Variants in CSMD1 observed in about 807,000 individuals in gnomAD.
The protein encoded by CSMD1 is CUB and sushi domain-containing protein 1.
In CSMD1, 213 loss-of-function variants were observed where a neutral mutation model predicts 417.5. The observed-to-expected ratio is 0.51, with a 90% CI of 0.46 to 0.57. The LOEUF is 0.57. CSMD1 is among the 20% of genes least tolerant of loss of function. The probability of loss-of-function intolerance (pLI) is 0.00; values close to 1 mark genes in which losing one functional copy is unlikely to be tolerated. For synonymous variants in CSMD1, 2,862 were observed against 1,736.8 expected (o/e 1.65, Z -16.11); for missense variants, 6,923 against 4,529.7 (o/e 1.53, Z -15.17).
intron 3 of CSMD1, among the ~76,000 whole-genome samples, chr8:4,404,382 G>A (rs931164059): frequency 5.3e-5 from 8 of 152,196 alleles, no homozygotes; most frequent in South Asian, 4.1e-4. Flanking sequence ...TTTGTTCAAC[G>A]CTGTATATGT....
intron 4 of CSMD1, among the ~76,000 whole-genome samples, chr8:4,015,661 T>TAAAAAAAAAAAAAAAAAAAAAAAAAA (rs11371186): frequency 1.0e-5 from 1 of 97,490 alleles, no homozygotes. Flanking sequence ...GTTTGAATCT[T>TAAAAAAAAAAAAAAAAAAAAAAAAAA]AAAAAAAAAA....
chr8:4,512,944 C>T lies in CSMD1; in HGVS notation c.303-92879G>A, dbSNP rs140329029. On this transcript the variant is annotated intron_variant, in intron 2 of 69. Coordinates refer to ENST00000635120, the MANE Select transcript of CSMD1 (RefSeq NM_033225.6). ...TATGATTCCAACTGTGTAATATTTT[C>T]GAAACAGCAAAATTAGGGAAACAGT... is the stretch of plus-strand genomic sequence containing the variant. Among the ~76,000 whole-genome samples, 388 of 151,984 alleles carry T rather than the reference C, an allele frequency of 2.6e-3. 2 individuals are homozygous for T. Among genetic ancestry groups the T allele is most frequent in the African/African-American group, 7.5e-3 (311 of 41,476 alleles).
intron 8 of CSMD1, among the ~76,000 whole-genome samples, chr8:3,612,094 A>G (rs58453884): frequency 0.025 from 3,745 of 152,254 alleles, 67 homozygotes; most frequent in Middle Eastern, 0.072. Flanking sequence ...TTGAATATAG[A>G]AACATATATA....
At chr8:3,658,132 A>G (rs1488557173) in intron 7 of CSMD1, among the ~76,000 whole-genome samples, 1 of 152,112 alleles carries the variant, frequency 6.6e-6, no homozygotes, top group Non-Finnish European at 1.5e-5. Context: ...AACCAACTCA[A>G]AAACTTCAGC....
chr8:4,038,590 A>G (rs745310473), intron 3 of CSMD1, among the ~76,000 whole-genome samples: 1 of 152,210 alleles, frequency 6.6e-6, no homozygotes, highest in Non-Finnish European at 1.5e-5. Context: ...CCCAGAAGTA[A>G]TGAATACACA....
chr8:4,707,106 A>G (rs1489355825), intron 1 of CSMD1, among the ~76,000 whole-genome samples: 3 of 152,234 alleles, frequency 2.0e-5, no homozygotes, highest in Non-Finnish European at 2.9e-5. Flanking sequence ...AAAATGAAGC[A>G]GATACTAAAT....
intron 12 of CSMD1, among the ~76,000 whole-genome samples, chr8:3,440,961 T>C (rs968104): frequency 1.3e-5 from 2 of 152,066 alleles, no homozygotes; most frequent in African/African-American, 4.8e-5. Flanking sequence ...GGAAAATGGG[T>C]CTTTGCAGAT....
intron 4 of CSMD1, among the ~76,000 whole-genome samples, chr8:4,025,337 C>T (rs1239726281): frequency 1.3e-5 from 2 of 152,142 alleles, no homozygotes; most frequent in East Asian, 1.9e-4. Context: ...AGGAAGAATA[C>T]CTTGTTTTGC....
chr8:2,976,824 T>C (rs1804968612), intron 55 of CSMD1, among the ~76,000 whole-genome samples: 1 of 152,218 alleles, frequency 6.6e-6, no homozygotes, highest in Admixed American at 6.5e-5. Flanking sequence ...TCTGATTTTT[T>C]TTTCAAGTCA....
At chr8:4,208,834 T>G (rs1800132797) in intron 3 of CSMD1, among the ~76,000 whole-genome samples, 3 of 152,212 alleles carry the variant, frequency 2.0e-5, no homozygotes, top group African/African-American at 7.2e-5. Context: ...AATATCTGGT[T>G]GGAAAATTGA....
At chr8:4,899,491 A>C (rs1052289727) in intron 1 of CSMD1, among the ~76,000 whole-genome samples, 6 of 152,274 alleles carry the variant, frequency 3.9e-5, no homozygotes, top group South Asian at 2.1e-4. Flanking sequence ...AGAAATCCCA[A>C]TATGTTAGAT....
intron 23 of CSMD1, among the ~76,000 whole-genome samples, chr8:3,331,741 T>C (rs17080029): frequency 0.011 from 1,606 of 152,338 alleles, 49 homozygotes; most frequent in East Asian, 0.082. Context: ...ATGAACTTGG[T>C]ATCTGACCTT....
intron 5 of CSMD1, chr8:3,950,028 T>G (rs1811501335): frequency 2.2e-6 from 1 of 455,590 alleles, no homozygotes; most frequent in Admixed American, 2.4e-5. Context: ...GCATTTCCTG[T>G]GCGTATTTGC....
intron 26 of CSMD1, among the ~76,000 whole-genome samples, chr8:3,269,461 C>A (rs781118008): frequency 3.4e-4 from 52 of 152,248 alleles, no homozygotes; most frequent in Non-Finnish European, 6.9e-4. Context: ...CCAAAGGCCT[C>A]TCCTGTAATA....
At chr8:4,560,666 A>G (rs1448018314) in intron 2 of CSMD1, among the ~76,000 whole-genome samples, 1 of 152,168 alleles carries the variant, frequency 6.6e-6, no homozygotes, top group Non-Finnish European at 1.5e-5. Context: ...GAATAAAACA[A>G]CCTTAACTCT....
chr8:3,652,002 T>G (rs1467124727), intron 7 of CSMD1, among the ~76,000 whole-genome samples: 1 of 113,454 alleles, frequency 8.8e-6, no homozygotes, highest in African/African-American at 3.5e-5. Flanking sequence ...ACACATACCA[T>G]CAGTGCGCTT....
intron 1 of CSMD1, among the ~76,000 whole-genome samples, chr8:4,721,689 G>A (rs1219395820): frequency 6.6e-6 from 1 of 152,096 alleles, no homozygotes; most frequent in Non-Finnish European, 1.5e-5. Flanking sequence ...ATATAACCCA[G>A]CAATCCCCCT....
At chr8:4,642,887 C>T (rs1195341704) in intron 1 of CSMD1, among the ~76,000 whole-genome samples, 2 of 152,174 alleles carry the variant, frequency 1.3e-5, no homozygotes, top group African/African-American at 4.8e-5. Flanking sequence ...GTGGACTATA[C>T]TGTTCTGTAT....
chr8:2,980,895 A>C (rs930320824), intron 54 of CSMD1, among the ~76,000 whole-genome samples: 2 of 152,226 alleles, frequency 1.3e-5, no homozygotes. Flanking sequence ...TATTTTGAGC[A>C]GTAAAAAATG....
Sources: gnomAD v4.1 joint callset for allele counts (sites outside exome capture counted in the v4.1 genomes callset) on GRCh38, gnomAD v4.1.1 for gene constraint, MANE v1.5 for transcripts, NCBI Gene and HGNC (gene_info 2026-07-23, HGNC 2026-07-21) for gene names.